The following LMO3 variants were observed in gnomAD, a reference collection of about 807,000 sequenced individuals.
LMO3 encodes the protein LIM domain only 3, also known as LIM domain only protein 3.
LMO3 carries 2 observed loss-of-function variants against 15.8 expected under a neutral mutation model. The ratio of observed to expected loss-of-function variants is 0.13; its 90% CI spans 0.05 to 0.40. The LOEUF (loss-of-function observed/expected upper bound fraction) is 0.40. Ranked by LOEUF, LMO3 falls within the 10% of genes least tolerant of loss-of-function variation. LMO3 has a pLI of 0.99. For synonymous variants in LMO3, 62 were observed against 63.8 expected, an observed-to-expected ratio of 0.97 and a Z score of 0.13; for missense variants, 86 against 182.2, an observed-to-expected ratio of 0.47 and a Z score of 3.04.
intron 2 of LMO3, chr12:16,600,400 A>G (rs577325410): frequency 2.3e-5 from 9 of 391,582 alleles, no homozygotes; most frequent in African/African-American, 1.6e-4. Flanking sequence ...GTTTCAACAT[A>G]GGCAGCGCCA....
Position 16,555,613 on chromosome 12 carries a change from A to G in LMO3, c.333-4286T>C, listed in dbSNP as rs1942163100. On this transcript the variant is annotated intron_variant, in intron 3 of 3. Coordinates refer to ENST00000537304, the MANE Select transcript of LMO3 (RefSeq NM_018640.5). This position sits in a 1 kb window ranked among gnomAD's most constrained non-coding sequence, Gnocchi z 5.5. Reference sequence around the variant, plus strand: ...TTTGTATTCATTTTGACTTTTATTTAATGGCTTTTCAAAGACTAAGTTTAC... The same window carrying G: ...TTTGTATTCATTTTGACTTTTATTTGATGGCTTTTCAAAGACTAAGTTTAC... Among the ~76,000 whole-genome samples the G allele has an allele frequency of 6.6e-6, 1 of 152,184 alleles. No homozygotes were observed. The highest frequency in any genetic ancestry group is 1.5e-5 in the Non-Finnish European group (1 of 68,014).
intron 1 of LMO3, among the ~76,000 whole-genome samples, chr12:16,601,563 A>G (rs1474194723): frequency 6.6e-6 from 1 of 152,214 alleles, no homozygotes; most frequent in Non-Finnish European, 1.5e-5. Flanking sequence ...ACTTAACTAT[A>G]TACTATATGC....
At chr12:16,592,059 C>G (rs1354033977) in intron 2 of LMO3, among the ~76,000 whole-genome samples, 1 of 151,912 alleles carries the variant, frequency 6.6e-6, no homozygotes. Context: ...CCAATTTTCC[C>G]AGACTGGATA....
intron 2 of LMO3, among the ~76,000 whole-genome samples, chr12:16,583,046 CAA>C (rs55665813): frequency 0.078 from 9,926 of 126,560 alleles, 748 homozygotes; most frequent in African/African-American, 0.23. Flanking sequence ...GACTCCGCCT[CAA>C]AAAAAAAAAA....
rs1479954930 is a variant in LMO3, at chr12:16,605,775, G to A, written c.-9+291C>T. On this transcript the variant is annotated intron_variant, in intron 1 of 3. Transcript: ENST00000537304. ...TATCCACTCGAGTCGTACTTGAGAC[G>A]TTCCGCGCCGCAGCCGCTCTCCCTC... The A allele has an allele frequency of 2.6e-6, 4 of 1,535,314 alleles. No homozygotes were observed. The South Asian group carries it at 3.6e-5, about 14-fold the overall frequency.
rs1414488114 is a variant in LMO3, at chr12:16,548,836, T to C, written c.*2386A>G. 1 of 152,104 alleles carries C rather than the reference T, an allele frequency of 6.6e-6. No homozygotes were observed. Among genetic ancestry groups the C allele is most frequent in the Non-Finnish European group, 1.5e-5 (1 of 68,000 alleles). The allele number at this position is 152,104 out of a possible 1,614,324, so 9.4% of individuals were successfully genotyped here. On this transcript the variant is annotated 3_prime_UTR_variant, in exon 4 of 4. Transcript: ENST00000537304. This position sits in a 1 kb window ranked among gnomAD's most constrained non-coding sequence, Gnocchi z 4.2. ...GGAGATTAAAGATAATCTAAACAGA[T>C]TAAGGCCTTAATCTTTAATCCAGGT...
At position 16,582,172 on chromosome 12, in the gene LMO3, C is replaced by T. The variant is rs1427951236; in HGVS notation, c.206+18483G>A. ...ATTTAACTGGTTTCTTCCTGTTTCT[C>T]TTTATTTGGAAGTTTTGAAATGGCT... On this transcript the variant is annotated intron_variant, in intron 2 of 3. Coordinates refer to ENST00000537304, the MANE Select transcript of LMO3 (RefSeq NM_018640.5). The surrounding 1 kb of genome is among the most constrained non-coding windows in gnomAD (Gnocchi z 4.1). 6.6e-6 allele frequency among the ~76,000 whole-genome samples: 1 copy of T among 152,024 alleles called. No individual in the cohort carries two copies. Among genetic ancestry groups the T allele is most frequent in the African/African-American group, 2.4e-5 (1 of 41,392 alleles).
At chr12:16,588,487 G>T (rs184385464) in intron 2 of LMO3, among the ~76,000 whole-genome samples, 67 of 152,050 alleles carry the variant, frequency 4.4e-4, no homozygotes, top group Non-Finnish European at 7.4e-4. Flanking sequence ...CAAGGCCATA[G>T]AACTTTTATA....
rs1240200094 is a variant in LMO3 at position 16,576,887 on chromosome 12, G to T, written c.207-16349C>A. ...TAAATTACTTAAAAGCTGTTACAAA[G>T]AAATGATTATACCACCCTCCCCACG... On this transcript the variant is annotated intron_variant, in intron 2 of 3. Coordinates refer to ENST00000537304, the MANE Select transcript of LMO3 (RefSeq NM_018640.5). The surrounding 1 kb of genome is among the most constrained non-coding windows in gnomAD (Gnocchi z 4.1). 1.3e-5 allele frequency among the ~76,000 whole-genome samples: 2 copies of T among 152,092 alleles called. No individual in the cohort carries two copies. Among genetic ancestry groups the T allele is most frequent in the African/African-American group, 4.8e-5 (2 of 41,420 alleles).
rs1207049539 is a variant in LMO3 at position 16,589,215 on chromosome 12, T to G, written c.206+11440A>C. Among the ~76,000 whole-genome samples, 1 of 152,096 alleles carries G rather than the reference T, an allele frequency of 6.6e-6. No homozygotes were observed. Among genetic ancestry groups the G allele is most frequent in the South Asian group, 2.1e-4 (1 of 4,826 alleles). On this transcript the variant is annotated intron_variant, in intron 2 of 3. Coordinates refer to ENST00000537304, the MANE Select transcript of LMO3 (RefSeq NM_018640.5). This position sits in a 1 kb window ranked among gnomAD's most constrained non-coding sequence, Gnocchi z 4.2. ...CTTTTTATTTTTTAATGAAGTGATATTCACAGAAGATTATAACAACAGTAG... is the reference window on the plus strand; with the variant it reads ...CTTTTTATTTTTTAATGAAGTGATAGTCACAGAAGATTATAACAACAGTAG...
chr12:16,598,365 A>T lies in LMO3; in HGVS notation c.206+2290T>A, dbSNP rs535727513. ...CAAACTTTCAGTTTAAATAAGGGACAAGATTGCTGTTAACAACTTAGTTTG... is the reference window on the plus strand; with the variant it reads ...CAAACTTTCAGTTTAAATAAGGGACTAGATTGCTGTTAACAACTTAGTTTG... On this transcript the variant is annotated intron_variant, in intron 2 of 3. Transcript: ENST00000537304. This position sits in a 1 kb window ranked among gnomAD's most constrained non-coding sequence, Gnocchi z 4.3. 1 of 152,248 alleles carries T rather than the reference A, an allele frequency of 6.6e-6. No individual in the cohort carries two copies. The highest frequency in any genetic ancestry group is 2.4e-5 in the African/African-American group (1 of 41,574). 9.4% of individuals were successfully genotyped at this position (152,248 alleles called of 1,614,324 possible). A position where few individuals can be genotyped will look rare whatever the true frequency, so the allele number is the denominator to read the frequency against.
chr12:16,567,804 G>A (rs1942669291), intron 2 of LMO3, among the ~76,000 whole-genome samples: 1 of 151,958 alleles, frequency 6.6e-6, no homozygotes, highest in Non-Finnish European at 1.5e-5. Context: ...CCTACACTCA[G>A]GCAAAACTCC....
chr12:16,584,798 A>G lies in LMO3; in HGVS notation c.206+15857T>C, dbSNP rs1943266625. On this transcript the variant is annotated intron_variant, in intron 2 of 3. Coordinates refer to ENST00000537304, the MANE Select transcript of LMO3 (RefSeq NM_018640.5). This position sits in a 1 kb window ranked among gnomAD's most constrained non-coding sequence, Gnocchi z 5.2. ...ACTCCTTGTTAGGCTGAAAGCTCCCAGGAGATTTCTGAAGCAGGAGTGTAA... is the reference window on the plus strand; with the variant it reads ...ACTCCTTGTTAGGCTGAAAGCTCCCGGGAGATTTCTGAAGCAGGAGTGTAA... Among the ~76,000 whole-genome samples, 1 of 152,320 alleles carries G rather than the reference A, an allele frequency of 6.6e-6. No homozygotes were observed.
intron 2 of LMO3, among the ~76,000 whole-genome samples, chr12:16,566,025 TATATATATATATATAA>T (rs1313084805): frequency 6.0e-5 from 5 of 83,058 alleles, no homozygotes; most frequent in Admixed American, 2.4e-4. Context: ...TATATATATA[TATATATATATATATAA>T]AATGGAGTAC....
chr12:16,572,935 G>T (rs890093428), intron 2 of LMO3, among the ~76,000 whole-genome samples: 1 of 151,530 alleles, frequency 6.6e-6, no homozygotes, highest in African/African-American at 2.4e-5. Flanking sequence ...ATATAAAATT[G>T]ATCATCAAAA....
At chr12:16,572,286 A>G (rs1238923510) in intron 2 of LMO3, among the ~76,000 whole-genome samples, 1 of 151,228 alleles carries the variant, frequency 6.6e-6, no homozygotes, top group Admixed American at 6.6e-5. Flanking sequence ...ATATGTTCAC[A>G]TACAATATTG....
intron 3 of LMO3, among the ~76,000 whole-genome samples, chr12:16,551,686 AT>A (rs1169660358): frequency 3.3e-5 from 5 of 151,950 alleles, no homozygotes; most frequent in African/African-American, 1.2e-4. Flanking sequence ...AATGATAATA[AT>A]GTTTCACTGC....
rs2137603112 is a variant in LMO3, at chr12:16,589,139, T to C, written c.206+11516A>G. Among the ~76,000 whole-genome samples, 1 of 152,254 alleles carries C rather than the reference T, an allele frequency of 6.6e-6. No homozygotes were observed. Among genetic ancestry groups the C allele is most frequent in the Non-Finnish European group, 1.5e-5 (1 of 68,002 alleles). Reference sequence around the variant, plus strand: ...GCCTCTAAGATCTACGAATTAGATGTAACCTCACCCAGTTTGGAAGATTTT... The same window carrying C: ...GCCTCTAAGATCTACGAATTAGATGCAACCTCACCCAGTTTGGAAGATTTT... On this transcript the variant is annotated intron_variant, in intron 2 of 3. Coordinates refer to ENST00000537304, the MANE Select transcript of LMO3 (RefSeq NM_018640.5). The surrounding 1 kb of genome is among the most constrained non-coding windows in gnomAD (Gnocchi z 4.2).
At chr12:16,558,831 A>AC (rs1942287781) in intron 3 of LMO3, among the ~76,000 whole-genome samples, 1 of 152,130 alleles carries the variant, frequency 6.6e-6, no homozygotes, top group Non-Finnish European at 1.5e-5. Flanking sequence ...ACTTTTGAGA[A>AC]CCTGTTGTGT....
Sources: allele counts gnomAD v4.1 joint callset (sites outside exome capture counted in the v4.1 genomes callset), GRCh38; gene constraint gnomAD v4.1.1; non-coding constraint Gnocchi (gnomAD v3.1); transcripts MANE v1.5; gene names NCBI Gene and HGNC (gene_info 2026-07-23, HGNC 2026-07-21).